The following SCN3B variants were observed in gnomAD, a reference collection of about 807,000 sequenced individuals.
The protein encoded by SCN3B is sodium voltage-gated channel beta subunit 3.
A neutral mutation model predicts 25.4 loss-of-function variants in SCN3B; 11 were observed. The ratio of observed to expected loss-of-function variants is 0.43; its 90% CI spans 0.27 to 0.72. SCN3B has a LOEUF of 0.72. SCN3B is among the 30% of genes least tolerant of loss of function. The pLI is 0.18. For synonymous variants in SCN3B, 109 were observed against 110.7 expected, an observed-to-expected ratio of 0.99 and a Z score of 0.09; for missense variants, 218 against 278.3, an observed-to-expected ratio of 0.78 and a Z score of 1.54.
Position 123,645,515 on chromosome 11 carries a change from G to A in SCN3B, c.219+72C>T, listed in dbSNP as rs188828569. 1.6e-4 allele frequency: 238 copies of A among 1,497,786 alleles called. No individual in the cohort carries two copies. In the Middle Eastern group the frequency reaches 1.9e-3, roughly 12 times the overall value. 92.8% of individuals were successfully genotyped at this position (1,497,786 alleles called of 1,614,324 possible). A position where few individuals can be genotyped will look rare whatever the true frequency, so the allele number is the denominator to read the frequency against. On this transcript the variant is annotated intron_variant, in intron 3 of 6. Transcript: ENST00000299333. ...AGTGTTTGCTAGCTTGGCATCCCCC[G>A]GACTGTCAGGAGCCAGGCTGGGAAC...
chr11:123,636,119 T>C (rs1052015912), intron 5 of SCN3B, among the ~76,000 whole-genome samples: 6 of 152,236 alleles, frequency 3.9e-5, no homozygotes, highest in Admixed American at 2.6e-4. Context: ...TTTCTTTAAA[T>C]GTCTTGTATA....
Position 123,635,699 on chromosome 11 carries a change from G to A in SCN3B, c.585-1493C>T, listed in dbSNP as rs1250344524. ...AGACTCTGTCTCAAAAAAAAAAAAA[G>A]AAAACAAAGGAAACCTTCATCTCCG... On this transcript the variant is annotated intron_variant, in intron 5 of 6. Coordinates refer to ENST00000299333, the MANE Select transcript of SCN3B (RefSeq NM_001040151.2). 3.3e-4 allele frequency among the ~76,000 whole-genome samples: 49 copies of A among 150,114 alleles called. 1 individual carries two copies. The highest frequency in any genetic ancestry group is 1.0e-3 in the African/African-American group (41 of 40,858).
intron 3 of SCN3B, among the ~76,000 whole-genome samples, chr11:123,643,122 A>G (rs1955811028): frequency 6.6e-6 from 1 of 152,202 alleles, no homozygotes. Context: ...AGAGACAGCA[A>G]GACAGGCAGA....
At chr11:123,637,420 TCTCAGCCTTTC>T (rs1430323787) in intron 5 of SCN3B, among the ~76,000 whole-genome samples, 1 of 152,194 alleles carries the variant, frequency 6.6e-6, no homozygotes, top group Non-Finnish European at 1.5e-5. Context: ...TGGGTTCAAA[TCTCAGCCTTTC>T]CTCTTACCAT....
rs77765742 is a variant in SCN3B, at chr11:123,652,163, C to G, written c.55+1584G>C. 2.3e-3 allele frequency among the ~76,000 whole-genome samples: 344 copies of G among 152,296 alleles called. 4 individuals are homozygous for G. Among genetic ancestry groups the G allele is most frequent in the South Asian group, 0.016 (78 of 4,828 alleles). ...TCACTCCAACCCTTATCCACAACTT[C>G]AGCTTTACCGACGCTCTTTTTATCT... On this transcript the variant is annotated intron_variant, in intron 2 of 6. Transcript: ENST00000299333.
rs968561641 is a variant in SCN3B at position 123,654,505 on chromosome 11, C to G, written c.-305G>C. The G allele has an allele frequency of 4.6e-5, 7 of 153,160 alleles. No homozygotes were observed. Among genetic ancestry groups the G allele is most frequent in the African/African-American group, 1.4e-4 (6 of 41,466 alleles). 9.5% of individuals were successfully genotyped at this position (153,160 alleles called of 1,614,324 possible). Reference sequence around the variant, plus strand: ...GTGGGTGTAGAGGCGGAGCCCCTTCCCGGGAGCTCGCCCCCGGATGGTGCG... The same window carrying G: ...GTGGGTGTAGAGGCGGAGCCCCTTCGCGGGAGCTCGCCCCCGGATGGTGCG... On this transcript the variant is annotated 5_prime_UTR_variant, in exon 1 of 7. Transcript: ENST00000299333.
Position 123,633,682 on chromosome 11 carries a change from G to T in SCN3B, c.*117C>A, listed in dbSNP as rs1311249918. On this transcript the variant is annotated 3_prime_UTR_variant, in exon 7 of 7. Coordinates refer to ENST00000299333, the MANE Select transcript of SCN3B (RefSeq NM_001040151.2). ...TGAATGAATGAACAGAACAATGGAT[G>T]CATGAAGGGAAGCGATGGGGCCCTT... 1.1e-5 allele frequency: 3 copies of T among 276,082 alleles called. No homozygotes were observed. The highest frequency in any genetic ancestry group is 2.1e-5 in the Non-Finnish European group (3 of 140,870). 17.1% of individuals were successfully genotyped at this position (276,082 alleles called of 1,614,324 possible).
In SCN3B at chr11:123,638,046, T is replaced by C. The variant is rs1955748767; in HGVS notation, c.584+140A>G. 6 of 1,004,700 alleles carry C rather than the reference T, an allele frequency of 6.0e-6. No individual in the cohort carries two copies. In the South Asian group the frequency reaches 8.2e-5, roughly 14 times the overall value. The allele number at this position is 1,004,700 out of a possible 1,614,324, so 62.2% of individuals were successfully genotyped here. ...TCAGTGTTCTCATCTGTAAAATGGG[T>C]ATAATAATGGTGCCTATCTCTTAAG... On this transcript the variant is annotated intron_variant, in intron 5 of 6. Transcript: ENST00000299333.
intron 2 of SCN3B, among the ~76,000 whole-genome samples, chr11:123,653,022 G>A (rs1046700064): frequency 2.6e-5 from 4 of 152,056 alleles, no homozygotes; most frequent in African/African-American, 2.4e-5. Flanking sequence ...ATTTGGAGGG[G>A]GAAGGTCACC....
At chr11:123,633,889 T>A (rs1213147379) in intron 6 of SCN3B, 113 bp from the exon 7 acceptor site, 2 of 468,672 alleles carry the variant, frequency 4.3e-6, no homozygotes, top group African/African-American at 3.9e-5. Context: ...TCTGTTACCA[T>A]GGGCAAGTTC....
In SCN3B at chr11:123,642,202, T is replaced by C. The variant is rs914324410; in HGVS notation, c.445+244A>G. On this transcript the variant is annotated intron_variant, in intron 4 of 6. Transcript: ENST00000299333. This position sits in a 1 kb window ranked among gnomAD's most constrained non-coding sequence, Gnocchi z 4.3. ...CTTTCTCTAAGGGACCAGGAAGAGC[T>C]CATTCTATCATCTCCAAGCCTTTCT... Among the ~76,000 whole-genome samples, 11 of 152,170 alleles carry C rather than the reference T, an allele frequency of 7.2e-5. No individual in the cohort carries two copies. Among genetic ancestry groups the C allele is most frequent in the African/African-American group, 2.7e-4 (11 of 41,424 alleles).
At chr11:123,645,321 T>C (rs977774521) in intron 3 of SCN3B, among the ~76,000 whole-genome samples, 11 of 152,290 alleles carry the variant, frequency 7.2e-5, no homozygotes, top group African/African-American at 2.2e-4. Flanking sequence ...AGGGCGCCTA[T>C]CACATAGTAG....
At chr11:123,647,730 A>G (rs1955870096) in intron 2 of SCN3B, among the ~76,000 whole-genome samples, 1 of 152,260 alleles carries the variant, frequency 6.6e-6, no homozygotes, top group African/African-American at 2.4e-5. Context: ...CCATAAATTA[A>G]TTTTGAGTCC....
rs1340149773 is a variant in SCN3B, at chr11:123,630,976, A to T, written c.*2823T>A. On this transcript the variant is annotated 3_prime_UTR_variant, in exon 7 of 7. Transcript: ENST00000299333. ...GGTTTCCTTATAATTTAGTAAAGCT[A>T]CTTAACCTCAGAGACCCTCAGTTTC... The T allele has an allele frequency of 6.6e-6, 1 of 152,252 alleles. No homozygotes were observed. Among genetic ancestry groups the T allele is most frequent in the East Asian group, 1.9e-4 (1 of 5,200 alleles). 9.4% of individuals were successfully genotyped at this position (152,252 alleles called of 1,614,324 possible).
At chr11:123,644,703 G>A (rs1341720364) in intron 3 of SCN3B, among the ~76,000 whole-genome samples, 3 of 150,398 alleles carry the variant, frequency 2.0e-5, no homozygotes. Context: ...TCTGGGAGGT[G>A]GAGGTTACAG....
chr11:123,650,009 C>T (rs889022003), intron 2 of SCN3B, among the ~76,000 whole-genome samples: 4 of 152,206 alleles, frequency 2.6e-5, no homozygotes, highest in African/African-American at 9.6e-5. Context: ...CAGTCCACCA[C>T]TGCCCTTCTT....
At chr11:123,644,790 AGAGAGAGAGAATATAT>A (rs1313437319) in intron 3 of SCN3B, among the ~76,000 whole-genome samples, 9 of 83,308 alleles carry the variant, frequency 1.1e-4, no homozygotes, top group African/African-American at 2.1e-4. Context: ...AGAGAGAGAG[AGAGAGAGAGAATATAT>A]ATATATATAT....
chr11:123,647,354 C>G (rs1338885085), intron 2 of SCN3B, among the ~76,000 whole-genome samples: 1 of 152,070 alleles, frequency 6.6e-6, no homozygotes, highest in East Asian at 1.9e-4. Flanking sequence ...CATGGTAACA[C>G]ACAACTGTAG....
intron 3 of SCN3B, among the ~76,000 whole-genome samples, chr11:123,644,291 C>T (rs921349803): frequency 1.3e-5 from 2 of 152,116 alleles, no homozygotes; most frequent in African/African-American, 2.4e-5. Context: ...GGTAACAGCC[C>T]TATAATTTGG....
Sources: allele counts gnomAD v4.1 joint callset (sites outside exome capture counted in the v4.1 genomes callset), GRCh38; gene constraint gnomAD v4.1.1; non-coding constraint Gnocchi (gnomAD v3.1); transcripts MANE v1.5; gene names NCBI Gene and HGNC (gene_info 2026-07-23, HGNC 2026-07-21).